Variants in TLN2 observed in about 807,000 individuals in gnomAD.
TLN2 encodes talin 2, also known as talin-2.
Under a neutral mutation model 294.7 loss-of-function variants are expected in TLN2, and 118 were observed. The observed-to-expected ratio is 0.40, with a 90% CI of 0.34 to 0.47. The LOEUF (loss-of-function observed/expected upper bound fraction) is 0.47, where lower values mean the gene tolerates loss of function less well. TLN2 is among the 20% of genes least tolerant of loss of function. The pLI is 0.84. For synonymous variants in TLN2, 1,431 were observed against 1,304.5 expected (o/e 1.10, Z -2.09); for missense variants, 3,083 against 3,282.2 (o/e 0.94, Z 1.48).
chr15:62,408,787 G>A (rs2033582589), intron 1 of TLN2, among the ~76,000 whole-genome samples: 4 of 151,896 alleles, frequency 2.6e-5, no homozygotes, highest in Non-Finnish European at 5.9e-5. Context: ...TAATTGTATG[G>A]TCCAAGAATT....
chr15:62,739,280 A>G (rs2061189938), intron 30 of TLN2, 68 bp from the exon 31 acceptor site: 2 of 1,526,910 alleles, frequency 1.3e-6, no homozygotes, highest in South Asian at 1.3e-5. Flanking sequence ...CCCTTCCACA[A>G]TACCTTCCTT....
At chr15:62,789,593 A>G (rs1050698804) in intron 45 of TLN2, among the ~76,000 whole-genome samples, 5 of 152,194 alleles carry the variant, frequency 3.3e-5, no homozygotes, top group Admixed American at 3.3e-4. Flanking sequence ...ATGTCATCCC[A>G]TAGGGTTCAG....
chr15:62,564,005 A>G (rs1471555984), intron 1 of TLN2, among the ~76,000 whole-genome samples: 1 of 152,184 alleles, frequency 6.6e-6, no homozygotes, highest in Admixed American at 6.5e-5. Flanking sequence ...TGCACTAACT[A>G]CTAGGTGATC....
intron 42 of TLN2, among the ~76,000 whole-genome samples, chr15:62,772,724 G>A (rs1047448350): frequency 2.0e-5 from 3 of 151,664 alleles, no homozygotes; most frequent in African/African-American, 7.3e-5. Flanking sequence ...GTGCAATGGC[G>A]CGATCTCGGC....
Position 62,781,142 on chromosome 15 carries a change from G to A in TLN2, c.5517G>A (p.Leu1839=). 6.2e-7 allele frequency: 1 copy of A among 1,613,404 alleles called. No homozygotes were observed. Among genetic ancestry groups the A allele is most frequent in the Non-Finnish European group, 8.5e-7 (1 of 1,179,344 alleles). The change falls in exon 44 of 59, where the codon CTG becomes CTA. Residue 1839 remains leucine (L), a splice_region_variant and synonymous_variant. Coordinates refer to ENST00000636159, the MANE Select transcript of TLN2 (RefSeq NM_015059.3). ...GATTCTTTTCCTCTCCTCTGTAGCT[G>A]GATGAAGGCACTCCTCCAGAACCAA... ...VDAIAEAMSK[L]DEGTPPEPKG...
intron 31 of TLN2, among the ~76,000 whole-genome samples, chr15:62,740,157 A>T (rs1304225493): frequency 6.6e-6 from 1 of 151,976 alleles, no homozygotes; most frequent in Non-Finnish European, 1.5e-5. Flanking sequence ...CCGGGTGAGA[A>T]ATGTGTGCTT....
chr15:62,468,813 T>C (rs1462632957), intron 1 of TLN2, among the ~76,000 whole-genome samples: 1 of 150,994 alleles, frequency 6.6e-6, no homozygotes, highest in East Asian at 1.9e-4. Flanking sequence ...TCTTTTGATG[T>C]TGATGTTCAT....
At chr15:62,572,199 G>C (rs1257409458) in intron 1 of TLN2, among the ~76,000 whole-genome samples, 1 of 151,822 alleles carries the variant, frequency 6.6e-6, no homozygotes, top group Non-Finnish European at 1.5e-5. Context: ...TCCTCCCCCT[G>C]TGCCTGCCCT....
At chr15:62,541,961 T>C (rs554152939) in intron 1 of TLN2, among the ~76,000 whole-genome samples, 1 of 151,742 alleles carries the variant, frequency 6.6e-6, no homozygotes, top group Admixed American at 6.6e-5. Context: ...TATTTTAATA[T>C]ACTAGATAAA....
chr15:62,481,447 C>T (rs1247877824), intron 1 of TLN2, among the ~76,000 whole-genome samples: 8 of 152,178 alleles, frequency 5.3e-5, no homozygotes, highest in South Asian at 2.1e-4. Flanking sequence ...ACTGCAGTCG[C>T]GAACTCTTAG....
intron 5 of TLN2, 53 bp downstream of exon 5, chr15:62,650,234 T>C (rs1159116094): frequency 1.9e-6 from 3 of 1,566,266 alleles, no homozygotes; most frequent in Non-Finnish European, 2.6e-6. Context: ...CTGGGCCTTC[T>C]TCCATAGACG....
intron 12 of TLN2, among the ~76,000 whole-genome samples, chr15:62,688,945 T>A (rs1425916497): frequency 6.6e-6 from 1 of 152,146 alleles, no homozygotes; most frequent in Admixed American, 6.5e-5. Flanking sequence ...TATATTTTTT[T>A]AATCCATTCT....
intron 2 of TLN2, among the ~76,000 whole-genome samples, chr15:62,612,789 T>C (rs1369518315): frequency 1.3e-5 from 2 of 152,214 alleles, no homozygotes; most frequent in Non-Finnish European, 2.9e-5. Context: ...CTGTCATTGC[T>C]CTGATGATTT....
intron 1 of TLN2, among the ~76,000 whole-genome samples, chr15:62,542,182 C>T (rs966852549): frequency 4.6e-5 from 7 of 151,834 alleles, no homozygotes; most frequent in South Asian, 2.1e-4. Flanking sequence ...GAGGGGGTTA[C>T]GTTCCATTTA....
chr15:62,745,332 A>T (rs1338618022), intron 32 of TLN2, among the ~76,000 whole-genome samples: 1 of 147,278 alleles, frequency 6.8e-6, no homozygotes, highest in Non-Finnish European at 1.5e-5. Flanking sequence ...AAAAGATGGT[A>T]AAAAAAAAAT....
At chr15:62,697,173 T>C (rs1033061737) in intron 14 of TLN2, among the ~76,000 whole-genome samples, 4 of 152,294 alleles carry the variant, frequency 2.6e-5, no homozygotes, top group African/African-American at 7.2e-5. Context: ...AGTGGCGCGA[T>C]CATAGCTCAC....
At chr15:62,681,391 T>C (rs2056815662) in intron 11 of TLN2, among the ~76,000 whole-genome samples, 1 of 152,216 alleles carries the variant, frequency 6.6e-6, no homozygotes. Context: ...ATAATGATAT[T>C]GAACACACCT....
chr15:62,600,592 G>A (rs1386179113), intron 2 of TLN2, among the ~76,000 whole-genome samples: 1 of 152,112 alleles, frequency 6.6e-6, no homozygotes, highest in Non-Finnish European at 1.5e-5. Context: ...ACGGTCATGT[G>A]GTCTCACATG....
intron 1 of TLN2, among the ~76,000 whole-genome samples, chr15:62,535,556 A>AT (rs34539193): frequency 0.29 from 40,451 of 139,692 alleles, 6,013 homozygotes; most frequent in East Asian, 0.55. Context: ...AGATAACTTG[A>AT]TTTTTTTTTT....
Sources: allele counts gnomAD v4.1 joint callset (sites outside exome capture counted in the v4.1 genomes callset), GRCh38; gene constraint gnomAD v4.1.1; transcripts MANE v1.5; gene names NCBI Gene and HGNC (gene_info 2026-07-23, HGNC 2026-07-21).